The following DPY19L1 variants were observed in gnomAD, a reference collection of about 807,000 sequenced individuals.
DPY19L1 encodes protein C-mannosyl-transferase DPY19L1.
Under a neutral mutation model 96.9 loss-of-function variants are expected in DPY19L1, and 35 were observed. That is an observed-to-expected ratio of 0.36 (90% CI 0.28 to 0.48). DPY19L1 has a LOEUF of 0.48. Among genes scored for constraint, DPY19L1 ranks in the 20% least tolerant of loss-of-function variants. DPY19L1 has a pLI of 0.99. For missense variants in DPY19L1, 521 were observed against 777.9 expected, an observed-to-expected ratio of 0.67 and a Z score of 3.93; for synonymous variants, 205 against 252.6, an observed-to-expected ratio of 0.81 and a Z score of 1.79.
At chr7:35,027,726 C>T (rs1258666629) in intron 1 of DPY19L1, among the ~76,000 whole-genome samples, 2 of 146,558 alleles carry the variant, frequency 1.4e-5, no homozygotes, top group Non-Finnish European at 3.0e-5. Flanking sequence ...TAATCCCAGA[C>T]ACTTGGGAGG....
chr7:34,940,212 TC>T lies in DPY19L1; in HGVS notation c.1804del (p.Glu602SerfsTer11). The T allele has an allele frequency of 6.2e-7, 1 of 1,609,566 alleles. No individual in the cohort carries two copies. Among genetic ancestry groups the T allele is most frequent in the Non-Finnish European group, 8.5e-7 (1 of 1,178,532 alleles). ...TTCTTCTTGGGGCAAATTGCTGAAC[TC>T]CCCTACAATATTCCACTGGGTTTGC... Reference protein sequence around the residue: ...NLQTQWNIVGEFSNLPQEELI... With the variant: ...NLQTQWNIVGXFSNLPQEELI... On this transcript the variant is annotated frameshift_variant, in exon 19 of 22. Coordinates refer to ENST00000638088, the MANE Select transcript of DPY19L1 (RefSeq NM_001366673.1). LOFTEE classifies it high-confidence loss of function.
At chr7:35,008,260 T>G (rs1785612137) in intron 6 of DPY19L1, among the ~76,000 whole-genome samples, 2 of 152,170 alleles carry the variant, frequency 1.3e-5, no homozygotes, top group East Asian at 3.8e-4. Context: ...TCCCATGCTC[T>G]CAGAGCCCAG....
chr7:35,003,301 G>A (rs2128676038), intron 6 of DPY19L1, among the ~76,000 whole-genome samples: 1 of 152,278 alleles, frequency 6.6e-6, no homozygotes, highest in South Asian at 2.1e-4. Flanking sequence ...GAGCAGTCAA[G>A]GAAATCCCAA....
chr7:34,991,529 A>T (rs1785168604), intron 6 of DPY19L1, among the ~76,000 whole-genome samples: 1 of 152,236 alleles, frequency 6.6e-6, no homozygotes, highest in Admixed American at 6.5e-5. Flanking sequence ...AGAGAAGCAC[A>T]CAGGCTAGGC....
At chr7:34,966,700 C>T (rs1169607653) in intron 10 of DPY19L1, among the ~76,000 whole-genome samples, 194 bp downstream of exon 10, 1 of 152,180 alleles carries the variant, frequency 6.6e-6, no homozygotes, top group Non-Finnish European at 1.5e-5. Flanking sequence ...CAACTTCAAT[C>T]AGATAATATG....
intron 11 of DPY19L1, among the ~76,000 whole-genome samples, chr7:34,957,505 T>C (rs1302590398): frequency 6.6e-6 from 1 of 152,222 alleles, no homozygotes; most frequent in African/African-American, 2.4e-5. Context: ...CTAAAGTTGT[T>C]CTTGGTAGTG....
intron 3 of DPY19L1, among the ~76,000 whole-genome samples, chr7:35,015,371 A>G (rs540638467): frequency 1.3e-5 from 2 of 152,336 alleles, no homozygotes; most frequent in African/African-American, 4.8e-5. Flanking sequence ...TTCACAAGTT[A>G]CAGGTCACAA....
rs1785703720 is a variant in DPY19L1 at position 35,011,257 on chromosome 7, G to A, written c.670+73C>T. 10 of 1,530,960 alleles carry A rather than the reference G, an allele frequency of 6.5e-6. No individual in the cohort carries two copies. The South Asian group carries it at 1.1e-4, about 16-fold the overall frequency. 94.8% of individuals were successfully genotyped at this position (1,530,960 alleles called of 1,614,324 possible). On this transcript the variant is annotated intron_variant, in intron 5 of 21. Coordinates refer to ENST00000638088, the MANE Select transcript of DPY19L1 (RefSeq NM_001366673.1). ...TTGTTTATACCACTAAGTTTACAGT[G>A]TAAGTTTATTATGCTAGATAAGTTT... is the stretch of plus-strand genomic sequence containing the variant.
At chr7:35,015,930 G>C (rs1478839247) in intron 3 of DPY19L1, among the ~76,000 whole-genome samples, 1 of 151,792 alleles carries the variant, frequency 6.6e-6, no homozygotes. Context: ...TTATACCTTT[G>C]GTACTTTTAT....
chr7:34,952,415 G>C (rs1784286931), intron 13 of DPY19L1, among the ~76,000 whole-genome samples: 1 of 152,072 alleles, frequency 6.6e-6, no homozygotes, highest in Non-Finnish European at 1.5e-5. Context: ...TACCCATAAA[G>C]AAAGCTCCAG....
intron 3 of DPY19L1, among the ~76,000 whole-genome samples, chr7:35,015,420 G>C (rs1785822389): frequency 1.3e-5 from 2 of 152,180 alleles, no homozygotes; most frequent in Non-Finnish European, 2.9e-5. Flanking sequence ...GAAGAAGCCA[G>C]CCAAAACCTG....
chr7:35,003,814 G>T (rs1469992687), intron 6 of DPY19L1, among the ~76,000 whole-genome samples: 1 of 152,234 alleles, frequency 6.6e-6, no homozygotes, highest in African/African-American at 2.4e-5. Flanking sequence ...ACCAGGCTTG[G>T]TGCAGAGCCA....
intron 10 of DPY19L1, among the ~76,000 whole-genome samples, chr7:34,959,301 T>A (rs193207541): frequency 6.6e-6 from 1 of 152,210 alleles, no homozygotes; most frequent in Non-Finnish European, 1.5e-5. Context: ...TGGAAGATAG[T>A]GTGACAATTC....
At chr7:34,944,004 T>C (rs1448041544) in intron 16 of DPY19L1, among the ~76,000 whole-genome samples, 2 of 152,168 alleles carry the variant, frequency 1.3e-5, no homozygotes, top group African/African-American at 2.4e-5. Flanking sequence ...TGCAATAATT[T>C]ATCATTATGT....
chr7:34,982,095 T>G (rs1784951726), intron 7 of DPY19L1, among the ~76,000 whole-genome samples: 1 of 151,514 alleles, frequency 6.6e-6, no homozygotes, highest in African/African-American at 2.4e-5. Flanking sequence ...AGAGAAACTG[T>G]TTGAGATAAA....
At chr7:35,013,732 A>G in intron 3 of DPY19L1, 27 bp from the exon 4 acceptor site, 1 of 1,552,114 alleles carries the variant, frequency 6.4e-7, no homozygotes, top group Non-Finnish European at 8.8e-7. Flanking sequence ...CTCAATTAAA[A>G]TAACAAAAGG....
chr7:34,934,632 T>G (rs1783827812), intron 21 of DPY19L1, among the ~76,000 whole-genome samples: 1 of 151,928 alleles, frequency 6.6e-6, no homozygotes, highest in Admixed American at 6.5e-5. Flanking sequence ...GGCTGGAGGG[T>G]GGGGGCGATG....
intron 1 of DPY19L1, among the ~76,000 whole-genome samples, chr7:35,027,719 T>A (rs1051659903): frequency 7.0e-6 from 1 of 143,540 alleles, no homozygotes; most frequent in Non-Finnish European, 1.5e-5. Flanking sequence ...ATGTCTGTAA[T>A]CCCAGACACT....
At chr7:35,001,837 C>A (rs1157642524) in intron 6 of DPY19L1, among the ~76,000 whole-genome samples, 1 of 151,926 alleles carries the variant, frequency 6.6e-6, no homozygotes, top group Non-Finnish European at 1.5e-5. Context: ...TTTAAAAAAA[C>A]AAGCTAGGCC....
Sources: allele counts gnomAD v4.1 joint callset (sites outside exome capture counted in the v4.1 genomes callset), GRCh38; gene constraint gnomAD v4.1.1; transcripts MANE v1.5; gene names NCBI Gene and HGNC (gene_info 2026-07-23, HGNC 2026-07-21).